Variants in PIWIL4 observed in about 807,000 individuals in gnomAD.
The protein encoded by PIWIL4 is piwi-like protein 4.
A neutral mutation model predicts 100.9 loss-of-function variants in PIWIL4; 50 were observed. The ratio of observed to expected loss-of-function variants is 0.50; its 90% confidence interval spans 0.39 to 0.63. PIWIL4 has a LOEUF of 0.63. Ranked by LOEUF, PIWIL4 falls within the 20% of genes least tolerant of loss-of-function variation. PIWIL4 has a pLI of 0.00. For synonymous variants in PIWIL4, 342 were observed against 367.5 expected (o/e 0.93, Z 0.79); for missense variants, 887 against 1,043.3 (o/e 0.85, Z 2.06).
rs376988757 is a variant in PIWIL4 at position 94,619,895 on chromosome 11, G to A, written c.2294+10G>A. The A allele has an allele frequency of 1.5e-5, 25 of 1,614,002 alleles. No homozygotes were observed. The highest frequency in any genetic ancestry group is 1.6e-4 in the Middle Eastern group (1 of 6,084). ...CAACACGTAACGAATGGCAAGTGCC[G>A]CTGGAAAATCAATTTTTAACAAAAC... is the stretch of plus-strand genomic sequence containing the variant. On this transcript the variant is annotated intron_variant, in intron 18 of 19. Transcript: ENST00000299001.
intron 1 of PIWIL4, among the ~76,000 whole-genome samples, chr11:94,568,510 G>A (rs1199500737): frequency 1.3e-5 from 2 of 152,120 alleles, no homozygotes; most frequent in Admixed American, 1.3e-4. Flanking sequence ...GCGACAGTTG[G>A]TACTAAAATC....
chr11:94,609,144 AAAT>A (rs756388585), intron 15 of PIWIL4, among the ~76,000 whole-genome samples: 1 of 152,236 alleles, frequency 6.6e-6, no homozygotes, highest in Admixed American at 6.5e-5. Flanking sequence ...TGTAAAATAG[AAAT>A]AATAATGATG....
chr11:94,588,727 A>T (rs4543942), intron 7 of PIWIL4, among the ~76,000 whole-genome samples: 77,471 of 152,072 alleles, frequency 0.51, 21,781 homozygotes, highest in African/African-American at 0.76. Context: ...GTGCTTTTTT[A>T]AATCAGAAAA....
In PIWIL4 at chr11:94,595,337, C is replaced by G. The variant is rs749747810; in HGVS notation, c.1179C>G (p.Phe393Leu). The change falls in exon 10 of 20, where the codon TTC (phenylalanine) becomes TTG (leucine). Residue 393 changes from phenylalanine (F) to leucine (L), a missense_variant. Transcript: ENST00000299001. The stretch of plus-strand genomic sequence containing the variant: ...TGACTGACCAGGCAACATCTGATTT[C>G]CAGCTGATGAAGGCTGTGGCTGAAA... ...TGLTDQATSD[F>L]QLMKAVAEKT... 2 of 1,613,972 alleles carry G rather than the reference C, an allele frequency of 1.2e-6. No individual in the cohort carries two copies. The highest frequency in any genetic ancestry group is 1.7e-6 in the Non-Finnish European group (2 of 1,179,864).
chr11:94,607,925 A>T (rs1948742009), intron 14 of PIWIL4, among the ~76,000 whole-genome samples: 1 of 152,122 alleles, frequency 6.6e-6, no homozygotes, highest in African/African-American at 2.4e-5. Flanking sequence ...ACTTGCTTTC[A>T]TCAGGGTGCT....
intron 7 of PIWIL4, 65 bp downstream of exon 7, chr11:94,587,312 G>A: frequency 3.4e-6 from 5 of 1,480,872 alleles, no homozygotes; most frequent in Admixed American, 1.8e-5. Flanking sequence ...TTGGGAATAG[G>A]AATAGTGTTG....
intron 12 of PIWIL4, among the ~76,000 whole-genome samples, chr11:94,602,233 A>G (rs1354347244): frequency 1.3e-5 from 2 of 152,218 alleles, no homozygotes; most frequent in Non-Finnish European, 1.5e-5. Context: ...TCTTTCCAGT[A>G]CCAGTTGGGA....
In PIWIL4 at chr11:94,567,619, T is replaced by C; in HGVS notation, c.87+14T>C. 1.3e-6 allele frequency: 2 copies of C among 1,581,090 alleles called. No homozygotes were observed. The highest frequency in any genetic ancestry group is 1.7e-6 in the Non-Finnish European group (2 of 1,160,498). ...GCCTCGCCATTGGTGTGTAGAATGCTTATTGCGCATGGTTTCGTTTTCTCC... is the reference window on the plus strand; with the variant it reads ...GCCTCGCCATTGGTGTGTAGAATGCCTATTGCGCATGGTTTCGTTTTCTCC... On this transcript the variant is annotated intron_variant, in intron 1 of 19. Transcript: ENST00000299001.
At chr11:94,610,572 A>T (rs963779580) in intron 15 of PIWIL4, among the ~76,000 whole-genome samples, 5 of 151,950 alleles carry the variant, frequency 3.3e-5, no homozygotes, top group African/African-American at 9.7e-5. Context: ...TGTGGTTTTG[A>T]TTTGCATTTC....
intron 13 of PIWIL4, among the ~76,000 whole-genome samples, chr11:94,604,867 T>C (rs1447330853): frequency 6.6e-6 from 1 of 152,190 alleles, no homozygotes; most frequent in Non-Finnish European, 1.5e-5. Flanking sequence ...TTTTAGTGAG[T>C]TTCTCTTTTA....
chr11:94,571,438 C>A (rs1226370704), intron 2 of PIWIL4, among the ~76,000 whole-genome samples: 4 of 152,152 alleles, frequency 2.6e-5, no homozygotes, highest in African/African-American at 9.7e-5. Context: ...CTGCCCCCTT[C>A]ACCCACCCCA....
chr11:94,610,668 AT>A (rs924193487), intron 15 of PIWIL4, among the ~76,000 whole-genome samples: 4 of 151,530 alleles, frequency 2.6e-5, no homozygotes, highest in African/African-American at 2.4e-5. Context: ...ATTTAATTGG[AT>A]TTTTTTTCTA....
rs11823553 is a variant in PIWIL4, at chr11:94,603,333, G to A, written c.1566-651G>A. Reference sequence around the variant, plus strand: ...AGTTCACTTATATACACATAAAAGAGGCTGATTCTACATAAAGAAACTAGT... The same window carrying A: ...AGTTCACTTATATACACATAAAAGAAGCTGATTCTACATAAAGAAACTAGT... On this transcript the variant is annotated intron_variant, in intron 12 of 19. Transcript: ENST00000299001. Among the ~76,000 whole-genome samples, 890 of 152,258 alleles carry A rather than the reference G, an allele frequency of 5.8e-3. 4 individuals carry two copies. The highest frequency in any genetic ancestry group is 0.013 in the African/African-American group (534 of 41,536).
chr11:94,595,629 G>C (rs543242978), intron 10 of PIWIL4, among the ~76,000 whole-genome samples: 2 of 152,210 alleles, frequency 1.3e-5, no homozygotes, highest in Non-Finnish European at 2.9e-5. Context: ...ATGCTGATAG[G>C]AATAACACTT....
At chr11:94,570,558 T>C (rs1219106555) in intron 2 of PIWIL4, among the ~76,000 whole-genome samples, 2 of 152,164 alleles carry the variant, frequency 1.3e-5, no homozygotes, top group Middle Eastern at 3.4e-3. Flanking sequence ...AGCATATGAA[T>C]TTTGGGGGAA....
At chr11:94,591,896 G>T (rs982192669) in intron 8 of PIWIL4, among the ~76,000 whole-genome samples, 10 of 152,164 alleles carry the variant, frequency 6.6e-5, no homozygotes, top group African/African-American at 2.4e-4. Context: ...GAAAATTGGG[G>T]CAAGGGAGAG....
At chr11:94,589,722 C>T (rs1270992484) in intron 8 of PIWIL4, among the ~76,000 whole-genome samples, 1 of 152,114 alleles carries the variant, frequency 6.6e-6, no homozygotes, top group Non-Finnish European at 1.5e-5. Flanking sequence ...CAGACGAACA[C>T]TAGACACCCT....
At chr11:94,613,918 A>C (rs935636694) in intron 15 of PIWIL4, among the ~76,000 whole-genome samples, 1 of 151,894 alleles carries the variant, frequency 6.6e-6, no homozygotes, top group African/African-American at 2.4e-5. Flanking sequence ...ACCTGCCACA[A>C]TGTCCAGCTA....
intron 8 of PIWIL4, among the ~76,000 whole-genome samples, chr11:94,591,290 A>C (rs1332931346): frequency 6.6e-6 from 1 of 152,230 alleles, no homozygotes; most frequent in East Asian, 1.9e-4. Flanking sequence ...AGGCATCTGC[A>C]GAAAGCCACG....
Sources: gnomAD v4.1 joint callset for allele counts (sites outside exome capture counted in the v4.1 genomes callset) on GRCh38, gnomAD v4.1.1 for gene constraint, MANE v1.5 for transcripts, NCBI Gene and HGNC (gene_info 2026-07-23, HGNC 2026-07-21) for gene names.